EIF2AK1: variants seen among roughly 807,000 people sequenced by gnomAD.
EIF2AK1 encodes the protein eukaryotic translation initiation factor 2-alpha kinase 1.
In EIF2AK1, 54 loss-of-function variants were observed where a neutral mutation model predicts 77.9. The observed-to-expected ratio is 0.69, with a 90% CI of 0.56 to 0.87. The LOEUF is 0.87. Among genes scored for constraint, EIF2AK1 ranks in the 40% least tolerant of loss-of-function variants. The pLI, the probability that EIF2AK1 is intolerant of heterozygous loss-of-function variation, is 0.00. For synonymous variants in EIF2AK1, 314 were observed against 290.5 expected (o/e 1.08, Z -0.82); for missense variants, 810 against 768.6 (o/e 1.05, Z -0.64).
chr7:6,039,894 G>A (rs1788246407), intron 9 of EIF2AK1, among the ~76,000 whole-genome samples: 1 of 150,312 alleles, frequency 6.7e-6, no homozygotes, highest in South Asian at 2.1e-4. Context: ...CCGAGATCAT[G>A]CCACTGTACT....
chr7:6,047,008 T>A lies in EIF2AK1; in HGVS notation c.533A>T (p.Tyr178Phe). 6.2e-7 allele frequency: 1 copy of A among 1,612,950 alleles called. No homozygotes were observed. The highest frequency in any genetic ancestry group is 8.5e-7 in the Non-Finnish European group (1 of 1,179,906). ...EELAILGKGG[Y>F]GRVYKVRNKL... ...GAAGACAACCTTGTATACTCTTCCG[T>A]ATCCACCTTTTCCTAAGATGGCAAG... is the stretch of plus-strand genomic sequence containing the variant. The change falls in exon 5 of 15, where the codon TAC becomes TTC. Residue 178 changes from tyrosine to phenylalanine, a missense_variant. Tyr to Phe is a conservative substitution (Grantham distance 22, BLOSUM62 3). Coordinates refer to ENST00000199389, the MANE Select transcript of EIF2AK1 (RefSeq NM_014413.4).
chr7:6,031,082 A>C (rs994763839), intron 11 of EIF2AK1, among the ~76,000 whole-genome samples: 1 of 152,210 alleles, frequency 6.6e-6, no homozygotes, highest in African/African-American at 2.4e-5. Flanking sequence ...AGCTTTGATC[A>C]TTGTTTCAGC....
At chr7:6,056,457 G>C (rs1788764428) in intron 1 of EIF2AK1, among the ~76,000 whole-genome samples, 1 of 150,078 alleles carries the variant, frequency 6.7e-6, no homozygotes, top group Non-Finnish European at 1.5e-5. Context: ...AGCTGGGTGT[G>C]GTGGCAGACG....
At chr7:6,031,243 G>C in intron 11 of EIF2AK1, 1 of 833,388 alleles carries the variant, frequency 1.2e-6, no homozygotes, top group Non-Finnish European at 1.9e-6. Flanking sequence ...CAAACTGATG[G>C]ATTGCCTTCA....
chr7:6,046,131 A>C lies in EIF2AK1; in HGVS notation c.570T>G (p.Gly190=). The part of the protein sequence containing the change: ...RVYKVRNKLD[G]QYYAIKKILI... ...GGATTTTTTTTATTGCATAATACTG[A>C]CCATCTAATTTATTCCTGACCTGAA... The change falls in exon 6 of 15, where the codon GGT becomes GGG. Residue 190 remains glycine, a synonymous_variant. Coordinates refer to ENST00000199389, the MANE Select transcript of EIF2AK1 (RefSeq NM_014413.4). 6.4e-7 allele frequency: 1 copy of C among 1,563,602 alleles called. No individual in the cohort carries two copies.
chr7:6,037,676 C>T lies in EIF2AK1; in HGVS notation c.1232-152G>A, dbSNP rs186473649. On this transcript the variant is annotated intron_variant, in intron 10 of 14. Coordinates refer to ENST00000199389, the MANE Select transcript of EIF2AK1 (RefSeq NM_014413.4). ...GTCAATGCTGCAGAATGGTCTAAAACCTAGAAATAAGCAGGAAGGCTTCCT... is the reference window on the plus strand; with the variant it reads ...GTCAATGCTGCAGAATGGTCTAAAATCTAGAAATAAGCAGGAAGGCTTCCT... 7.1e-3 allele frequency: 4,476 copies of T among 630,390 alleles called. 31 individuals are homozygous for T. Among genetic ancestry groups the T allele is most frequent in the Non-Finnish European group, 8.7e-3 (3,118 of 358,662 alleles). 39.0% of individuals were successfully genotyped at this position (630,390 alleles called of 1,614,324 possible).
intron 4 of EIF2AK1, 96 bp from the exon 5 acceptor site, chr7:6,047,187 T>A (rs1583493681): frequency 2.5e-6 from 3 of 1,216,688 alleles, no homozygotes; most frequent in East Asian, 4.9e-5. Context: ...CTCACAAACC[T>A]CATGTATCAC....
At chr7:6,046,714 C>T (rs761041410) in intron 5 of EIF2AK1, 3 of 253,620 alleles carry the variant, frequency 1.2e-5, no homozygotes, top group Admixed American at 5.3e-5. Context: ...CCATCCTGGC[C>T]AACACGGTGA....
At chr7:6,046,956 A>G (rs756368157) in intron 5 of EIF2AK1, 36 bp downstream of exon 5, 2 of 1,472,306 alleles carry the variant, frequency 1.4e-6, no homozygotes, top group Non-Finnish European at 9.3e-7. Context: ...ACAATTATTT[A>G]GGGTAGTAGG....
At chr7:6,040,685 G>A (rs960001749) in intron 9 of EIF2AK1, among the ~76,000 whole-genome samples, 11 of 152,234 alleles carry the variant, frequency 7.2e-5, no homozygotes, top group African/African-American at 1.9e-4. Context: ...TGGCCAGGTC[G>A]GGGAGGCCAG....
At chr7:6,045,700 C>A (rs985813274) in intron 6 of EIF2AK1, among the ~76,000 whole-genome samples, 1 of 145,580 alleles carries the variant, frequency 6.9e-6, no homozygotes. Context: ...ATATATCGAT[C>A]ATTTATTTTA....
chr7:6,044,721 A>G (rs887028440), intron 6 of EIF2AK1, 60 bp from the exon 7 acceptor site: 16 of 1,463,518 alleles, frequency 1.1e-5, no homozygotes, highest in Non-Finnish European at 1.5e-5. Flanking sequence ...TGTTTATGCA[A>G]TACTTCTTGT....
chr7:6,042,708 T>A (rs1007446603), intron 8 of EIF2AK1, among the ~76,000 whole-genome samples: 1 of 151,856 alleles, frequency 6.6e-6, no homozygotes, highest in Non-Finnish European at 1.5e-5. Context: ...CTACTAAAAA[T>A]ACAAAAAACT....
rs944618099 is a variant in EIF2AK1, at chr7:6,031,683, G to A, written c.1333-2651C>T. On this transcript the variant is annotated intron_variant, in intron 11 of 14. Transcript: ENST00000199389. Reference sequence around the variant, plus strand: ...AAGCTGGTGAACCCACTAAGCTCACGGCCCTTATGAGAATGAGACACGACT... The same window carrying A: ...AAGCTGGTGAACCCACTAAGCTCACAGCCCTTATGAGAATGAGACACGACT... 2.9e-5 allele frequency: 38 copies of A among 1,300,744 alleles called. No individual in the cohort carries two copies. In the African/African-American group the frequency reaches 4.3e-4, roughly 15 times the overall value. The allele number at this position is 1,300,744 out of a possible 1,614,324, so 80.6% of individuals were successfully genotyped here.
rs1438119661 is a variant in EIF2AK1, at chr7:6,022,415, C to A, written c.*2258G>T. On this transcript the variant is annotated 3_prime_UTR_variant, in exon 15 of 15. Coordinates refer to ENST00000199389, the MANE Select transcript of EIF2AK1 (RefSeq NM_014413.4). ...AGTTTTATGTGGATTTTCGACTGCA[C>A]AGCAGTCGGGGGTCAGTGTCCCTAA... 2 of 152,106 alleles carry A rather than the reference C, an allele frequency of 1.3e-5. No individual in the cohort carries two copies. Among genetic ancestry groups the A allele is most frequent in the Non-Finnish European group, 2.9e-5 (2 of 68,030 alleles). 9.4% of individuals were successfully genotyped at this position (152,106 alleles called of 1,614,324 possible). A position where few individuals can be genotyped will look rare whatever the true frequency, so the allele number is the denominator to read the frequency against.
chr7:6,028,790 G>C, intron 12 of EIF2AK1, 93 bp from the exon 13 acceptor site: 2 of 1,424,758 alleles, frequency 1.4e-6, no homozygotes, highest in Non-Finnish European at 2.0e-6. Context: ...GCTCCTAAGA[G>C]AACAACAGTT....
At chr7:6,051,464 C>T (rs1286266977) in intron 2 of EIF2AK1, among the ~76,000 whole-genome samples, 2 of 151,926 alleles carry the variant, frequency 1.3e-5, no homozygotes, top group Admixed American at 6.6e-5. Context: ...GAGTCTCACC[C>T]TGTTGCCCAA....
At position 6,026,794 on chromosome 7, in the gene EIF2AK1, C is replaced by T. The variant is rs200684170; in HGVS notation, c.1698G>A (p.Arg566=). Residue 566 remains arginine, a synonymous_variant, in exon 14 of 15, where the codon AGG becomes AGA. Coordinates refer to ENST00000199389, the MANE Select transcript of EIF2AK1 (RefSeq NM_014413.4). The part of the protein sequence containing the change: ...QAKYIQHLTR[R]NSSQRPSAIQ... ...TGGCAGATGGTCTCTGCGATGAGTTCCTTCTCGTTAAGTGCTGGATATACT... is the reference window on the plus strand; with the variant it reads ...TGGCAGATGGTCTCTGCGATGAGTTTCTTCTCGTTAAGTGCTGGATATACT... 8.1e-6 allele frequency: 13 copies of T among 1,614,190 alleles called. No homozygotes were observed. The East Asian group carries it at 2.9e-4, about 36-fold the overall frequency.
In EIF2AK1 at chr7:6,023,312, C is replaced by T. The variant is rs1163788754; in HGVS notation, c.*1361G>A. ...TGTTTTTTCTTTTCAGTGCCGAAGACGCAGATGAAATTCAGCATCCAGACG... is the reference window on the plus strand; with the variant it reads ...TGTTTTTTCTTTTCAGTGCCGAAGATGCAGATGAAATTCAGCATCCAGACG... On this transcript the variant is annotated 3_prime_UTR_variant, in exon 15 of 15. Transcript: ENST00000199389. The T allele has an allele frequency of 1.6e-5, 26 of 1,597,362 alleles. No individual in the cohort carries two copies. The highest frequency in any genetic ancestry group is 7.0e-5 in the Admixed American group (4 of 57,462).
Sources: gnomAD v4.1 joint callset for allele counts (sites outside exome capture counted in the v4.1 genomes callset) on GRCh38, gnomAD v4.1.1 for gene constraint, MANE v1.5 for transcripts, NCBI Gene and HGNC (gene_info 2026-07-23, HGNC 2026-07-21) for gene names.